KANSL3: variants seen among roughly 807,000 people sequenced by gnomAD.
KANSL3 encodes the protein KAT8 regulatory NSL complex subunit 3.
Under a neutral mutation model 89.2 loss-of-function variants are expected in KANSL3, and 16 were observed. The observed-to-expected ratio is 0.18, with a 90% CI of 0.12 to 0.27. KANSL3 has a LOEUF of 0.27. Among genes scored for constraint, KANSL3 ranks in the 10% least tolerant of loss-of-function variants. The probability of loss-of-function intolerance (pLI) is 1.00; values close to 1 mark genes in which losing one functional copy is unlikely to be tolerated. For synonymous variants in KANSL3, 385 were observed against 419.7 expected (o/e 0.92, Z 1.01); for missense variants, 879 against 1,110.6 (o/e 0.79, Z 2.96).
intron 3 of KANSL3, among the ~76,000 whole-genome samples, chr2:96,626,148 T>C (rs1204013963): frequency 6.6e-6 from 1 of 152,202 alleles, no homozygotes; most frequent in East Asian, 1.9e-4. Flanking sequence ...TCTGGTATTT[T>C]CAAAGGTAAT....
intron 20 of KANSL3, among the ~76,000 whole-genome samples, chr2:96,598,367 G>A (rs1303512683): frequency 6.6e-6 from 1 of 152,042 alleles, no homozygotes; most frequent in Non-Finnish European, 1.5e-5. Flanking sequence ...GAAAACTATG[G>A]GCCAAAGCCT....
chr2:96,621,663 T>G (rs1465011291), intron 3 of KANSL3, among the ~76,000 whole-genome samples: 2 of 150,908 alleles, frequency 1.3e-5, no homozygotes, highest in South Asian at 2.1e-4. Context: ...CAAAAAAAAT[T>G]TAAAAAGTAT....
At chr2:96,621,425 A>C (rs1277770974) in intron 3 of KANSL3, among the ~76,000 whole-genome samples, 1 of 151,874 alleles carries the variant, frequency 6.6e-6, no homozygotes, top group Non-Finnish European at 1.5e-5. Context: ...GAGGCAGAAG[A>C]AGCACTTGAA....
intron 2 of KANSL3, 166 bp downstream of exon 2, chr2:96,636,755 G>T (rs2106320733): frequency 1.8e-6 from 1 of 549,026 alleles, no homozygotes; most frequent in Non-Finnish European, 3.1e-6. Context: ...CACAGAGATA[G>T]CCACATTCAA....
intron 3 of KANSL3, among the ~76,000 whole-genome samples, chr2:96,627,092 A>G (rs2072477574): frequency 1.3e-5 from 2 of 152,272 alleles, no homozygotes; most frequent in South Asian, 4.1e-4. Context: ...AAATCAGCCC[A>G]CTGTCATAGT....
At position 96,604,291 on chromosome 2, in the gene KANSL3, T is replaced by C. The variant is rs201975539; in HGVS notation, c.2108A>G (p.Gln703Arg). 4.3e-6 allele frequency: 7 copies of C among 1,612,842 alleles called. No individual in the cohort carries two copies. In the Admixed American group the frequency reaches 6.7e-5, roughly 15 times the overall value. The change falls in exon 17 of 21, where the codon CAG becomes CGG. Residue 703 changes from glutamine (Q) to arginine (R), a missense_variant. Coordinates refer to ENST00000431828, the MANE Select transcript of KANSL3 (RefSeq NM_001115016.3). ...STAPSALHTL[Q>R]SRLVATSPGS... ...AGGAGATGTGGCCACCAGGCGGCTC[T>C]GCAGTGTGTGCAAGGCACTGGGTGC...
At chr2:96,616,129 C>G (rs1303183654) in intron 5 of KANSL3, among the ~76,000 whole-genome samples, 4 of 152,028 alleles carry the variant, frequency 2.6e-5, no homozygotes, top group Non-Finnish European at 5.9e-5. Flanking sequence ...GTCAAGGATG[C>G]AAGTAAGGAA....
chr2:96,633,494 G>A lies in KANSL3; in HGVS notation c.216-2012C>T, dbSNP rs184376229. On this transcript the variant is annotated intron_variant, in intron 2 of 20. Transcript: ENST00000431828. ...TGAGGCAGGAGAATGGCGTGAACCC[G>A]GGAGACGGAGGTTGCAGTGAGCCGA... Among the ~76,000 whole-genome samples, 259 of 151,338 alleles carry A rather than the reference G, an allele frequency of 1.7e-3. 1 individual carries two copies. Among genetic ancestry groups the A allele is most frequent in the Non-Finnish European group, 2.6e-3 (177 of 67,786 alleles).
intron 9 of KANSL3, among the ~76,000 whole-genome samples, chr2:96,611,903 ATGTGTGTGTGTG>A (rs59217274): frequency 3.5e-5 from 4 of 113,328 alleles, no homozygotes; most frequent in South Asian, 3.5e-4. Flanking sequence ...ATATACCCAT[ATGTGTGTGTGTG>A]TGTGTGTGTG....
At chr2:96,617,793 C>T (rs907191315) in intron 5 of KANSL3, among the ~76,000 whole-genome samples, 12 of 151,536 alleles carry the variant, frequency 7.9e-5, no homozygotes, top group South Asian at 4.2e-4. Flanking sequence ...GTCAGGAGAT[C>T]GAGACATGGT....
Position 96,604,234 on chromosome 2 carries a change from C to A in KANSL3, c.2149+16G>T. On this transcript the variant is annotated intron_variant, in intron 17 of 20. Transcript: ENST00000431828. ...AATTCTGTGTTGGAAGGGGAGAATGCTGGGCCACAAGATACCTGGGAGGGA... is the reference window on the plus strand; with the variant it reads ...AATTCTGTGTTGGAAGGGGAGAATGATGGGCCACAAGATACCTGGGAGGGA... The A allele has an allele frequency of 6.3e-7, 1 of 1,587,520 alleles. No individual in the cohort carries two copies.
rs761118404 is a variant in KANSL3, at chr2:96,602,886, C to T, written c.2150-24G>A. On this transcript the variant is annotated intron_variant, in intron 17 of 20. Transcript: ENST00000431828. Reference sequence around the variant, plus strand: ...CCCTAAGAGAGGACATAGCAGGAATCAGTAGAGACTCAATCACTTGCACTA... The same window carrying T: ...CCCTAAGAGAGGACATAGCAGGAATTAGTAGAGACTCAATCACTTGCACTA... The T allele has an allele frequency of 3.7e-6, 6 of 1,605,720 alleles. No homozygotes were observed. In the South Asian group the frequency reaches 6.6e-5, roughly 18 times the overall value.
At chr2:96,604,677 T>C (rs187778277) in intron 16 of KANSL3, 102 bp downstream of exon 16, 17 of 1,110,288 alleles carry the variant, frequency 1.5e-5, no homozygotes, top group Middle Eastern at 2.3e-4. Context: ...TTTCCAAAAC[T>C]GACAAGAATC....
intron 5 of KANSL3, among the ~76,000 whole-genome samples, chr2:96,618,067 C>T (rs536534631): frequency 2.5e-4 from 38 of 150,688 alleles, no homozygotes; most frequent in African/African-American, 8.5e-4. Context: ...CTGAGGCAGA[C>T]GGATTGCTTG....
intron 3 of KANSL3, among the ~76,000 whole-genome samples, chr2:96,622,638 G>C (rs1266819094): frequency 6.6e-6 from 1 of 152,176 alleles, no homozygotes; most frequent in African/African-American, 2.4e-5. Context: ...TTTGCTCAAA[G>C]TCCTTCAGTG....
intron 1 of KANSL3, chr2:96,637,952 T>A (rs999555790): frequency 1.3e-5 from 2 of 152,240 alleles, no homozygotes; most frequent in African/African-American, 4.8e-5. Context: ...GACTCGCATT[T>A]TACAGACGAA....
chr2:96,626,179 C>A (rs1481811632), intron 3 of KANSL3, among the ~76,000 whole-genome samples: 3 of 152,050 alleles, frequency 2.0e-5, no homozygotes, highest in African/African-American at 7.3e-5. Flanking sequence ...GATACTGTTT[C>A]AAAGAAGACT....
chr2:96,595,761 T>A, intron 20 of KANSL3, 130 bp from the exon 21 acceptor site: 2 of 1,076,770 alleles, frequency 1.9e-6, no homozygotes, highest in Non-Finnish European at 2.7e-6. Context: ...AGGAAAGAAG[T>A]TGGATACACA....
chr2:96,612,748 T>C, intron 7 of KANSL3, 70 bp downstream of exon 7: 2 of 1,332,940 alleles, frequency 1.5e-6, no homozygotes, highest in East Asian at 5.0e-5. Flanking sequence ...TCCTCCCACA[T>C]ATTCTTCTCC....
Sources: allele counts gnomAD v4.1 joint callset (sites outside exome capture counted in the v4.1 genomes callset), GRCh38; gene constraint gnomAD v4.1.1; transcripts MANE v1.5; gene names NCBI Gene and HGNC (gene_info 2026-07-23, HGNC 2026-07-21).